ELMO1: variants seen among roughly 807,000 people sequenced by gnomAD.
ELMO1 encodes the protein engulfment and cell motility 1, also known as engulfment and cell motility protein 1.
A neutral mutation model predicts 98.9 loss-of-function variants in ELMO1; 26 were observed. That is an observed-to-expected ratio of 0.26 (90% CI 0.19 to 0.36). ELMO1 has a LOEUF of 0.36. Among genes scored for constraint, ELMO1 ranks in the 10% least tolerant of loss-of-function variants. The pLI, the probability that ELMO1 is intolerant of heterozygous loss-of-function variation, is 1.00. For missense variants in ELMO1, 627 were observed against 935.2 expected (o/e 0.67, Z 4.30); for synonymous variants, 346 against 346.0 (o/e 1.00, Z 0.00).
chr7:37,267,639 T>C (rs1306920234), intron 5 of ELMO1, among the ~76,000 whole-genome samples: 1 of 152,234 alleles, frequency 6.6e-6, no homozygotes, highest in African/African-American at 2.4e-5. Flanking sequence ...CACAGCATCT[T>C]TTCCTCACAC....
At chr7:36,919,143 G>A (rs753130324) in intron 16 of ELMO1, among the ~76,000 whole-genome samples, 2 of 152,174 alleles carry the variant, frequency 1.3e-5, no homozygotes, top group African/African-American at 4.8e-5. Flanking sequence ...CAATATTCAA[G>A]CAAGTAAATA....
At chr7:37,089,742 C>T (rs1711755122) in intron 15 of ELMO1, among the ~76,000 whole-genome samples, 1 of 152,164 alleles carries the variant, frequency 6.6e-6, no homozygotes, top group South Asian at 2.1e-4. Context: ...TTTTCTGCAT[C>T]AGTAAGGACA....
chr7:37,223,214 T>C (rs1793693707), intron 9 of ELMO1, among the ~76,000 whole-genome samples: 1 of 152,338 alleles, frequency 6.6e-6, no homozygotes, highest in Non-Finnish European at 1.5e-5. Flanking sequence ...TAAATCTGAT[T>C]TTCACTGGAA....
chr7:36,972,520 G>A (rs970852261), intron 16 of ELMO1, among the ~76,000 whole-genome samples: 6 of 152,206 alleles, frequency 3.9e-5, no homozygotes, highest in African/African-American at 1.4e-4. Flanking sequence ...CTTGAAGGCT[G>A]TAAGGGGCTC....
chr7:37,328,346 G>A (rs1221073966), intron 2 of ELMO1, among the ~76,000 whole-genome samples: 3 of 124,080 alleles, frequency 2.4e-5, no homozygotes, highest in Admixed American at 2.1e-4. Flanking sequence ...TCATGCCACT[G>A]CACTCCAGCT....
intron 16 of ELMO1, among the ~76,000 whole-genome samples, chr7:36,948,161 T>C (rs983724604): frequency 6.6e-6 from 1 of 152,184 alleles, no homozygotes; most frequent in African/African-American, 2.4e-5. Context: ...AATATTTATC[T>C]TAGAGAAGTT....
chr7:37,006,161 C>T (rs10272259), intron 16 of ELMO1, among the ~76,000 whole-genome samples: 2,198 of 152,292 alleles, frequency 0.014, 58 homozygotes, highest in African/African-American at 0.051. Context: ...TGTGGCCAAA[C>T]TAAAGTTCAA....
chr7:37,077,846 G>C (rs1797665710), intron 15 of ELMO1, among the ~76,000 whole-genome samples: 1 of 152,156 alleles, frequency 6.6e-6, no homozygotes, highest in African/African-American at 2.4e-5. Context: ...CACTGTTAGG[G>C]AGAAATGATC....
intron 13 of ELMO1, among the ~76,000 whole-genome samples, chr7:37,181,229 A>T (rs1266441758): frequency 6.6e-6 from 1 of 152,164 alleles, no homozygotes; most frequent in African/African-American, 2.4e-5. Context: ...CAGCATGCCC[A>T]GTGGCCACAA....
chr7:37,010,157 A>T (rs191117612), intron 16 of ELMO1, among the ~76,000 whole-genome samples: 2,692 of 152,336 alleles, frequency 0.018, 37 homozygotes, highest in Non-Finnish European at 0.029. Context: ...TCACTAGCAG[A>T]ACTCTGTGAC....
At chr7:37,320,828 A>G (rs1168314107) in intron 2 of ELMO1, among the ~76,000 whole-genome samples, 1 of 151,670 alleles carries the variant, frequency 6.6e-6, no homozygotes, top group African/African-American at 2.4e-5. Context: ...AAACAACAAC[A>G]ACAAAAAAAG....
At chr7:37,137,196 A>C (rs955993418) in intron 13 of ELMO1, among the ~76,000 whole-genome samples, 2 of 152,208 alleles carry the variant, frequency 1.3e-5, no homozygotes, top group African/African-American at 4.8e-5. Context: ...TATAATGGTA[A>C]AAGGACTAGC....
In ELMO1 at chr7:37,166,862, T is replaced by A. The variant is rs1789736372; in HGVS notation, c.1087-33628A>T. ...GTAGATGTCTATTAGGTCTGCTTGG[T>A]GGAGAGCTGAGTTCAATTCCTGGAT... On this transcript the variant is annotated intron_variant, in intron 13 of 21. Coordinates refer to ENST00000310758, the MANE Select transcript of ELMO1 (RefSeq NM_014800.11). 1.3e-5 allele frequency among the ~76,000 whole-genome samples: 2 copies of A among 152,188 alleles called. 1 individual carries two copies. The highest frequency in any genetic ancestry group is 1.3e-4 in the Admixed American group (2 of 15,276).
At chr7:37,101,915 G>A (rs1276737353) in intron 14 of ELMO1, among the ~76,000 whole-genome samples, 4 of 152,098 alleles carry the variant, frequency 2.6e-5, no homozygotes, top group Admixed American at 6.6e-5. Context: ...AAACTAAAGC[G>A]TTCCAGCCAC....
At chr7:36,964,100 C>T (rs1268616311) in intron 16 of ELMO1, among the ~76,000 whole-genome samples, 1 of 152,170 alleles carries the variant, frequency 6.6e-6, no homozygotes, top group Non-Finnish European at 1.5e-5. Context: ...TTAAGGCTTG[C>T]ACTCCCTAGA....
At chr7:37,102,841 T>C (rs577351021) in intron 14 of ELMO1, among the ~76,000 whole-genome samples, 2 of 152,306 alleles carry the variant, frequency 1.3e-5, no homozygotes, top group South Asian at 2.1e-4. Context: ...CCAATTCCTA[T>C]TGAAAACAGA....
At chr7:37,077,422 G>A (rs189747862) in intron 15 of ELMO1, among the ~76,000 whole-genome samples, 1 of 152,326 alleles carries the variant, frequency 6.6e-6, no homozygotes, top group East Asian at 1.9e-4. Context: ...GATTTCTGGG[G>A]CGTGGTGGTG....
chr7:36,987,777 GTGTTT>G (rs1226965628), intron 16 of ELMO1, among the ~76,000 whole-genome samples: 1 of 152,114 alleles, frequency 6.6e-6, no homozygotes, highest in Non-Finnish European at 1.5e-5. Context: ...TAGCCCACTG[GTGTTT>G]TGTTTTGTTT....
intron 14 of ELMO1, among the ~76,000 whole-genome samples, chr7:37,114,219 G>T (rs1372691921): frequency 6.6e-6 from 1 of 152,190 alleles, no homozygotes; most frequent in Non-Finnish European, 1.5e-5. Flanking sequence ...CTACTGTGTT[G>T]AAGACAGAAA....
Sources: allele counts gnomAD v4.1 joint callset (sites outside exome capture counted in the v4.1 genomes callset), GRCh38; gene constraint gnomAD v4.1.1; transcripts MANE v1.5; gene names NCBI Gene and HGNC (gene_info 2026-07-23, HGNC 2026-07-21).